The following SEC16B variants were observed in gnomAD, a reference collection of about 807,000 sequenced individuals.
SEC16B encodes SEC16 homolog B, endoplasmic reticulum export factor, also known as protein transport protein Sec16B.
SEC16B carries 115 observed loss-of-function variants against 141.8 expected under a neutral mutation model. The ratio of observed to expected loss-of-function variants is 0.81; its 90% confidence interval spans 0.70 to 0.95. The LOEUF (loss-of-function observed/expected upper bound fraction) is 0.95. SEC16B is among the 40% of genes least tolerant of loss of function. The probability of loss-of-function intolerance (pLI) is 0.00; values close to 1 mark genes in which losing one functional copy is unlikely to be tolerated. For synonymous variants in SEC16B, 493 were observed against 492.5 expected, an observed-to-expected ratio of 1.00 and a Z score of -0.01; for missense variants, 1,291 against 1,312.3, an observed-to-expected ratio of 0.98 and a Z score of 0.25.
intron 15 of SEC16B, among the ~76,000 whole-genome samples, chr1:177,942,575 G>A (rs1651366150): frequency 6.6e-6 from 1 of 152,154 alleles, no homozygotes; most frequent in African/African-American, 2.4e-5. Context: ...GGCTGAGACA[G>A]GAGAATTGCT....
intron 1 of SEC16B, among the ~76,000 whole-genome samples, chr1:177,969,570 C>T (rs553903166): frequency 6.6e-6 from 1 of 152,160 alleles, no homozygotes; most frequent in Non-Finnish European, 1.5e-5. Context: ...TCTCCTTGTC[C>T]CCAGATAGTC....
chr1:177,969,147 T>C (rs1653779659), intron 1 of SEC16B, among the ~76,000 whole-genome samples: 2 of 152,302 alleles, frequency 1.3e-5, no homozygotes, highest in African/African-American at 4.8e-5. Flanking sequence ...TCTGATCAAA[T>C]CAGTTAACTT....
chr1:177,959,357 G>A (rs1652886178), intron 8 of SEC16B: 5 of 261,826 alleles, frequency 1.9e-5, no homozygotes, highest in South Asian at 4.5e-5. Flanking sequence ...CCTAAAATAG[G>A]GACAGTAAAA....
Position 177,964,185 on chromosome 1 carries a change from C to T in SEC16B, c.628G>A (p.Ala210Thr), listed in dbSNP as rs1653315359. 4.3e-6 allele frequency: 7 copies of T among 1,612,788 alleles called. No homozygotes were observed. Among genetic ancestry groups the T allele is most frequent in the Non-Finnish European group, 5.9e-6 (7 of 1,179,288 alleles). Residue 210 changes from alanine (A) to threonine (T), a missense_variant, in exon 5 of 26, where the codon GCC becomes ACC. By Grantham distance (58) the Ala-to-Thr change is moderately conservative. Transcript: ENST00000308284. ...CTTTAGGTTACCTTATTTTTCTGGG[C>T]CTCAGCAAGCAGGCTCCCTGGAAAC... Reference protein sequence around the residue: ...ELFPGSLLAEAQKNKPSLASE... With the variant: ...ELFPGSLLAETQKNKPSLASE...
At chr1:177,937,185 A>T in intron 19 of SEC16B, 29 bp downstream of exon 19, 1 of 1,575,090 alleles carries the variant, frequency 6.3e-7, no homozygotes, top group Non-Finnish European at 8.6e-7. Context: ...CCTACATTCA[A>T]TGTGGCCACC....
At chr1:177,942,442 T>C (rs894710609) in intron 15 of SEC16B, among the ~76,000 whole-genome samples, 14 of 152,072 alleles carry the variant, frequency 9.2e-5, no homozygotes, top group Non-Finnish European at 1.8e-4. Flanking sequence ...CCGACGCAGG[T>C]GGATCACTTG....
chr1:177,963,975 C>T (rs1465132988), intron 5 of SEC16B, among the ~76,000 whole-genome samples, 196 bp downstream of exon 5: 4 of 152,118 alleles, frequency 2.6e-5, no homozygotes, highest in Non-Finnish European at 5.9e-5. Flanking sequence ...TTCAGGGCCT[C>T]GGATGCCTAA....
intron 11 of SEC16B, among the ~76,000 whole-genome samples, chr1:177,953,562 A>T (rs61816280): frequency 6.6e-6 from 1 of 152,118 alleles, no homozygotes; most frequent in African/African-American, 2.4e-5. Flanking sequence ...TTCTCCATCC[A>T]GCACCCCTAT....
At chr1:177,937,149 C>G (rs1191151684) in intron 19 of SEC16B, 65 bp downstream of exon 19, 1 of 1,514,682 alleles carries the variant, frequency 6.6e-7, no homozygotes, top group Non-Finnish European at 8.8e-7. Flanking sequence ...CACCACCTCC[C>G]TTTCCTGCTT....
In SEC16B at chr1:177,961,663, GAGCTCAT is replaced by G. The variant is rs1362958409; in HGVS notation, c.707_713del (p.Tyr236SerfsTer36). The G allele has an allele frequency of 6.2e-7, 1 of 1,614,000 alleles. No homozygotes were observed. The highest frequency in any genetic ancestry group is 8.5e-7 in the Non-Finnish European group (1 of 1,179,882). On this transcript the variant is annotated frameshift_variant, in exon 6 of 26. Transcript: ENST00000308284. LOFTEE classifies it high-confidence loss of function. Reference sequence around the variant, plus strand: ...CCGGGGCATCTCTGATGTACTGACTGAGCTCATAGCTGCTGGAGCTGAGACCAGACTC... The same window carrying G: ...CCGGGGCATCTCTGATGTACTGACTGAGCTGCTGGAGCTGAGACCAGACTC...
intron 3 of SEC16B, among the ~76,000 whole-genome samples, chr1:177,965,624 T>C (rs1425669071): frequency 6.6e-6 from 1 of 152,178 alleles, no homozygotes; most frequent in African/African-American, 2.4e-5. Flanking sequence ...ATCTGGGCTA[T>C]AAGGCAAAGT....
intron 20 of SEC16B, among the ~76,000 whole-genome samples, chr1:177,933,889 G>GAA (rs1427156024): frequency 2.6e-5 from 4 of 151,912 alleles, no homozygotes; most frequent in Non-Finnish European, 5.9e-5. Context: ...TCCAGAAACA[G>GAA]ACAGTTTTCA....
chr1:177,983,607 G>A (rs1020327954), intron 1 of SEC16B, among the ~76,000 whole-genome samples: 1 of 152,090 alleles, frequency 6.6e-6, no homozygotes, highest in Non-Finnish European at 1.5e-5. Flanking sequence ...GATTTCCAGG[G>A]TGGAAGCCTT....
rs892848888 is a variant in SEC16B at position 177,970,016 on chromosome 1, A to G, written c.-191T>C. The G allele has an allele frequency of 6.6e-6, 1 of 152,326 alleles. No homozygotes were observed. Among genetic ancestry groups the G allele is most frequent in the Non-Finnish European group, 1.5e-5 (1 of 68,168 alleles). The allele number at this position is 152,326 out of a possible 1,614,324, so 9.4% of individuals were successfully genotyped here. On this transcript the variant is annotated 5_prime_UTR_variant, in exon 1 of 26. An upstream start codon of the reference 5' UTR is lost. Coordinates refer to ENST00000308284, the MANE Select transcript of SEC16B (RefSeq NM_033127.4). ...AGACTCCCCAGGCCCTCAGATCTAC[A>G]TCATGTCAGTTACCTTTGCAACTGC... is the stretch of plus-strand genomic sequence containing the variant.
Position 177,960,816 on chromosome 1 carries a change from G to C in SEC16B, c.911C>G (p.Ala304Gly), listed in dbSNP as rs1653000676. 3 of 1,611,540 alleles carry C rather than the reference G, an allele frequency of 1.9e-6. No homozygotes were observed. The highest frequency in any genetic ancestry group is 1.7e-5 in the Admixed American group (1 of 59,766). ...CTCCATGCTGTGCAGTTCAACAAGGGCTGCTTGCCCGTCAGTGGGAGAGCT... is the reference window on the plus strand; with the variant it reads ...CTCCATGCTGTGCAGTTCAACAAGGCCTGCTTGCCCGTCAGTGGGAGAGCT... ...GPSSPTDGQA[A>G]LVELHSMEVI... The change falls in exon 7 of 26, where the codon GCC becomes GGC. Residue 304 changes from alanine to glycine, a missense_variant. Physicochemically the swap from Ala to Gly is moderately conservative, Grantham distance 60. This residue lies in a region of SEC16B where 681 missense variants were observed against 675.5 expected (regional missense o/e 1.01). Transcript: ENST00000308284.
In SEC16B at chr1:177,947,957, A is replaced by G; in HGVS notation, c.1546-15T>C. The stretch of plus-strand genomic sequence containing the variant: ...TCTCCACAACACTGAAAAGCACCAG[A>G]AAAAATAAATGTACAATCATTTAAG... On this transcript the variant is annotated splice_polypyrimidine_tract_variant and intron_variant, in intron 12 of 25. Transcript: ENST00000308284. 1 of 1,509,778 alleles carries G rather than the reference A, an allele frequency of 6.6e-7. No individual in the cohort carries two copies. The highest frequency in any genetic ancestry group is 9.0e-7 in the Non-Finnish European group (1 of 1,108,270). 93.5% of individuals were successfully genotyped at this position (1,509,778 alleles called of 1,614,324 possible). A position where few individuals can be genotyped will look rare whatever the true frequency, so the allele number is the denominator to read the frequency against.
intron 6 of SEC16B, 147 bp from the exon 7 acceptor site, chr1:177,961,086 C>A: frequency 1.3e-6 from 1 of 787,360 alleles, no homozygotes; most frequent in Non-Finnish European, 2.0e-6. Flanking sequence ...TAGAAGAAGC[C>A]CATGTTCCCT....
intron 5 of SEC16B, among the ~76,000 whole-genome samples, chr1:177,963,961 T>C (rs1405018450): frequency 1.3e-5 from 2 of 152,154 alleles, no homozygotes. Context: ...GCAAAGGAGT[T>C]CAGTTCAGGG....
intron 12 of SEC16B, chr1:177,948,369 C>T (rs1405882656): frequency 8.4e-6 from 11 of 1,304,874 alleles, no homozygotes; most frequent in African/African-American, 1.5e-5. Flanking sequence ...CGGGGGAACA[C>T]GGGCCTGCTT....
Sources: gnomAD v4.1 joint callset for allele counts (sites outside exome capture counted in the v4.1 genomes callset) on GRCh38, gnomAD v4.1.1 for gene constraint, gnomAD v4.1.1 regional missense constraint, MANE v1.5 for transcripts, NCBI Gene and HGNC (gene_info 2026-07-23, HGNC 2026-07-21) for gene names.